The following MYO18B variants were observed in gnomAD, a reference collection of about 807,000 sequenced individuals.
The protein encoded by MYO18B is unconventional myosin-XVIIIb.
MYO18B carries 204 observed loss-of-function variants against 273.0 expected under a neutral mutation model. The ratio of observed to expected loss-of-function variants is 0.75; its 90% CI spans 0.67 to 0.84. The LOEUF (loss-of-function observed/expected upper bound fraction) is 0.84, where lower values mean the gene tolerates loss of function less well. Among genes scored for constraint, MYO18B ranks in the 40% least tolerant of loss-of-function variants. The pLI is 0.00. For synonymous variants in MYO18B, 1,330 were observed against 1,305.7 expected, an observed-to-expected ratio of 1.02 and a Z score of -0.40; for missense variants, 3,212 against 3,287.6, an observed-to-expected ratio of 0.98 and a Z score of 0.56.
the MYO18B span, among the ~76,000 whole-genome samples, chr22:26,050,158 C>T: frequency 7.2e-5 from 11 of 152,240 alleles, no homozygotes; most frequent in East Asian, 7.7e-4. Context: ...ACTGATGAGC[C>T]GTCATTAATT....
rs142854222 is a variant in MYO18B at position 26,012,207 on chromosome 22, T to C, written c.6470+7352T>C. Among the ~76,000 whole-genome samples the C allele has an allele frequency of 1.5e-3, 221 of 152,366 alleles. 1 individual carries two copies. The highest frequency in any genetic ancestry group is 4.2e-3 in the Admixed American group (64 of 15,308). The stretch of plus-strand genomic sequence containing the variant: ...GGTCATGTGAGGGCTGCTTAAATGA[T>C]GAGATAAGACTCGTTTGTAATTAGT... On this transcript the variant is annotated intron_variant, in intron 42 of 43. Transcript: ENST00000335473.
In MYO18B at chr22:26,004,762, A is replaced by G; in HGVS notation, c.6377A>G (p.Gln2126Arg). 1 of 1,613,916 alleles carries G rather than the reference A, an allele frequency of 6.2e-7. No homozygotes were observed. The highest frequency in any genetic ancestry group is 1.1e-5 in the South Asian group (1 of 91,068). Reference sequence around the variant, plus strand: ...AGCTCCCAGCCAGAGGGCAGCCTGCAGTCCTGGTTGAGCTGTACTCTGTCC... The same window carrying G: ...AGCTCCCAGCCAGAGGGCAGCCTGCGGTCCTGGTTGAGCTGTACTCTGTCC... ...ILSSQPEGSLQSWLSCTLSLA... is the reference protein window; with the variant it reads ...ILSSQPEGSLRSWLSCTLSLA... The change falls in exon 42 of 44, where the codon CAG becomes CGG. Residue 2126 changes from glutamine (Q) to arginine (R), a missense_variant. Gln to Arg is a conservative substitution (Grantham distance 43). Transcript: ENST00000335473.
chr22:26,020,538 AG>A (rs1234390955), intron 42 of MYO18B, among the ~76,000 whole-genome samples: 2 of 152,176 alleles, frequency 1.3e-5, no homozygotes. Context: ...CAATCAGACA[AG>A]GGTTAAGATT....
chr22:25,920,759 A>T (rs1419737366), intron 33 of MYO18B, among the ~76,000 whole-genome samples: 1 of 152,164 alleles, frequency 6.6e-6, no homozygotes, highest in Non-Finnish European at 1.5e-5. Context: ...TCATAAAACA[A>T]CACCCAGATC....
Position 26,026,891 on chromosome 22 carries a change from G to A in MYO18B, c.6917G>A (p.Gly2306Glu). 1 of 1,605,240 alleles carries A rather than the reference G, an allele frequency of 6.2e-7. No homozygotes were observed. Among genetic ancestry groups the A allele is most frequent in the Non-Finnish European group, 8.5e-7 (1 of 1,174,978 alleles). The stretch of plus-strand genomic sequence containing the variant: ...GAGGGAAACCTCTCGCTGAGGGTTG[G>A]GGCAAAGTCACCCCTGGAAATCGAA... ...SDEGNLSLRV[G>E]AKSPLEIEGA... Residue 2306 changes from glycine (G) to glutamate (E), a missense_variant, in exon 43 of 44, where the codon GGG becomes GAG. Transcript: ENST00000335473.
Position 25,789,099 on chromosome 22 carries a change from TTCCTCCTCC to T in MYO18B, c.2376+3626_2376+3634del, listed in dbSNP as rs796568561. ...TCCTTCTTCTTCCTCCTCCTTCTTC[TTCCTCCTCC>T]TCCTCCTCCTCCTCCTCTTCCTCCT... On this transcript the variant is annotated intron_variant, in intron 11 of 43. Coordinates refer to ENST00000335473, the MANE Select transcript of MYO18B (RefSeq NM_032608.7). Among the ~76,000 whole-genome samples, 462 of 77,080 alleles carry T rather than the reference TTCCTCCTCC, an allele frequency of 6.0e-3. 2 individuals are homozygous for T. Among genetic ancestry groups the T allele is most frequent in the African/African-American group, 0.015 (437 of 28,932 alleles). 50.6% of individuals were successfully genotyped at this position (77,080 alleles called of 152,430 possible). A position where few individuals can be genotyped will look rare whatever the true frequency, so the allele number is the denominator to read the frequency against.
the MYO18B span, among the ~76,000 whole-genome samples, chr22:26,037,195 T>C: frequency 2.6e-5 from 4 of 152,212 alleles, no homozygotes; most frequent in Admixed American, 6.5e-5. Flanking sequence ...AGGACTAGGC[T>C]TGGGTTTACT....
intron 21 of MYO18B, among the ~76,000 whole-genome samples, chr22:25,860,472 AT>A (rs2090698205): frequency 6.6e-6 from 1 of 152,130 alleles, no homozygotes; most frequent in African/African-American, 2.4e-5. Context: ...TCCTCTTCCA[AT>A]ATACATGGTT....
chr22:25,907,726 G>A (rs527764958), intron 31 of MYO18B, among the ~76,000 whole-genome samples: 3 of 152,242 alleles, frequency 2.0e-5, no homozygotes, highest in East Asian at 3.9e-4. Context: ...TGAGAAATAT[G>A]TTTCATCTTA....
intron 25 of MYO18B, among the ~76,000 whole-genome samples, chr22:25,880,409 T>G (rs576251593): frequency 3.0e-4 from 46 of 152,314 alleles, no homozygotes; most frequent in African/African-American, 1.1e-3. Context: ...TTTGACTAAT[T>G]GAGATTTTTA....
intron 39 of MYO18B, among the ~76,000 whole-genome samples, chr22:25,976,778 C>T (rs2093094239): frequency 6.6e-6 from 1 of 152,094 alleles, no homozygotes. Flanking sequence ...TAATACAAGA[C>T]TATTGATGAG....
intron 2 of MYO18B, 198 bp from the exon 3 acceptor site, chr22:25,763,033 T>C: frequency 1.3e-6 from 1 of 756,362 alleles, no homozygotes; most frequent in Non-Finnish European, 2.5e-6. Context: ...TGCCCCTGTG[T>C]TCCATTTTCA....
rs753961822 is a variant in MYO18B at position 25,763,362 on chromosome 22, G to C, written c.171G>C (p.Gln57His). 32 of 1,611,912 alleles carry C rather than the reference G, an allele frequency of 2.0e-5. No homozygotes were observed. The highest frequency in any genetic ancestry group is 2.7e-5 in the Non-Finnish European group (32 of 1,179,488). Reference sequence around the variant, plus strand: ...CCAAGGAAGCGAGACAGAGGAAGCAGTTAGCTGTCGCCTCTCCAGAACGAG... The same window carrying C: ...CCAAGGAAGCGAGACAGAGGAAGCACTTAGCTGTCGCCTCTCCAGAACGAG... Reference protein sequence around the residue: ...KEAKEARQRKQLAVASPEREI... With the variant: ...KEAKEARQRKHLAVASPEREI... The change falls in exon 3 of 44, where the codon CAG becomes CAC. Residue 57 changes from glutamine (Q) to histidine (H), a missense_variant. Physicochemically the swap from Gln to His is conservative, Grantham distance 24. Coordinates refer to ENST00000335473, the MANE Select transcript of MYO18B (RefSeq NM_032608.7).
intron 34 of MYO18B, among the ~76,000 whole-genome samples, chr22:25,930,512 AT>A (rs35826455): frequency 2.9e-4 from 42 of 146,918 alleles, no homozygotes; most frequent in African/African-American, 8.5e-4. Context: ...ATCCTTTTTA[AT>A]TTTTTTTTTT....
intron 39 of MYO18B, among the ~76,000 whole-genome samples, chr22:25,990,643 T>C (rs961718376): frequency 2.5e-4 from 31 of 122,158 alleles, no homozygotes; most frequent in Non-Finnish European, 3.4e-4. Flanking sequence ...GCTGAGATCA[T>C]GCCACTGCAC....
chr22:26,020,244 T>C (rs2146984752), intron 42 of MYO18B, among the ~76,000 whole-genome samples: 1 of 152,264 alleles, frequency 6.6e-6, no homozygotes, highest in Admixed American at 6.5e-5. Flanking sequence ...CCTCCTTCTT[T>C]GTTCTTCACC....
At chr22:25,917,802 C>CCTATTGAT (rs1427657726) in intron 33 of MYO18B, among the ~76,000 whole-genome samples, 8 of 152,018 alleles carry the variant, frequency 5.3e-5, no homozygotes, top group Non-Finnish European at 8.8e-5. Flanking sequence ...TCTCTTTTGA[C>CCTATTGAT]CTATTGATTC....
chr22:25,828,800 C>T lies in MYO18B; in HGVS notation c.2811C>T (p.Ser937=). ...INRSFSSHHL[S]MASIMVVDSP... ...GATCCTTTTCCTCCCACCATCTCTC[C>T]ATGGCCTCCATCATGGTGGTGGACT... Residue 937 remains serine, a synonymous_variant, in exon 15 of 44, where the codon TCC becomes TCT. Coordinates refer to ENST00000335473, the MANE Select transcript of MYO18B (RefSeq NM_032608.7). 6.2e-7 allele frequency: 1 copy of T among 1,613,850 alleles called. No individual in the cohort carries two copies.
At chr22:25,846,497 C>A (rs1252461783) in intron 19 of MYO18B, among the ~76,000 whole-genome samples, 1 of 152,224 alleles carries the variant, frequency 6.6e-6, no homozygotes, top group African/African-American at 2.4e-5. Context: ...TGATCCAAAT[C>A]TGAGGCCTAA....
Sources: allele counts gnomAD v4.1 joint callset (sites outside exome capture counted in the v4.1 genomes callset), GRCh38; gene constraint gnomAD v4.1.1; transcripts MANE v1.5; gene names NCBI Gene and HGNC (gene_info 2026-07-23, HGNC 2026-07-21).